Variants in IL15 observed in about 807,000 individuals in gnomAD.
IL15 encodes the protein interleukin 15.
A neutral mutation model predicts 19.6 loss-of-function variants in IL15; 11 were observed. The observed-to-expected ratio is 0.56, with a 90% CI of 0.35 to 0.93. The LOEUF (loss-of-function observed/expected upper bound fraction) is 0.93, where lower values mean the gene tolerates loss of function less well. Ranked by LOEUF, IL15 falls within the 40% of genes least tolerant of loss-of-function variation. IL15 has a pLI of 0.01. For synonymous variants in IL15, 58 were observed against 59.6 expected (o/e 0.97, Z 0.12); for missense variants, 197 against 186.5 (o/e 1.06, Z -0.33).
At chr4:141,715,017 C>A (rs537845242) in intron 2 of IL15, 1 of 152,280 alleles carries the variant, frequency 6.6e-6, no homozygotes, top group Non-Finnish European at 1.5e-5. Flanking sequence ...CCTGACCTGT[C>A]CCCTCTCCTC....
chr4:141,678,278 C>T (rs1728417349), intron 2 of IL15, among the ~76,000 whole-genome samples: 1 of 152,174 alleles, frequency 6.6e-6, no homozygotes, highest in African/African-American at 2.4e-5. Flanking sequence ...TTGATTTCTA[C>T]TTTCTACCCT....
intron 1 of IL15, among the ~76,000 whole-genome samples, chr4:141,654,769 C>T (rs1289527771): frequency 5.9e-5 from 9 of 151,938 alleles, no homozygotes; most frequent in African/African-American, 1.5e-4. Flanking sequence ...ACTCTTGGGG[C>T]GAAGGTGCAT....
At chr4:141,644,714 A>G (rs113615768) in intron 1 of IL15, among the ~76,000 whole-genome samples, 179 of 152,304 alleles carry the variant, frequency 1.2e-3, no homozygotes, top group African/African-American at 4.1e-3. Context: ...CTAAAAAGAT[A>G]GGTTATCTGT....
At chr4:141,660,000 T>C (rs549717425) in intron 2 of IL15, among the ~76,000 whole-genome samples, 2 of 152,212 alleles carry the variant, frequency 1.3e-5, no homozygotes, top group Non-Finnish European at 2.9e-5. Flanking sequence ...AGACCTCAAG[T>C]ATCTCTTTCA....
chr4:141,721,050 C>T (rs1343178246), intron 4 of IL15: 3 of 880,710 alleles, frequency 3.4e-6, no homozygotes, highest in Non-Finnish European at 5.2e-6. Flanking sequence ...CTTTTTTCTT[C>T]TCTCTTAGAT....
chr4:141,665,262 C>A (rs1235873184), intron 2 of IL15, among the ~76,000 whole-genome samples: 2 of 151,940 alleles, frequency 1.3e-5, no homozygotes, highest in Admixed American at 1.3e-4. Flanking sequence ...TGAAATGACA[C>A]CCAAATGCTA....
At chr4:141,675,900 T>C (rs1728325195) in intron 2 of IL15, among the ~76,000 whole-genome samples, 1 of 152,138 alleles carries the variant, frequency 6.6e-6, no homozygotes, top group Non-Finnish European at 1.5e-5. Context: ...GTCATACCTA[T>C]AGACCAAGAG....
At chr4:141,724,778 T>A (rs1013641597) in intron 5 of IL15, among the ~76,000 whole-genome samples, 5 of 152,118 alleles carry the variant, frequency 3.3e-5, no homozygotes, top group African/African-American at 1.2e-4. Context: ...AACACTCATA[T>A]AATCACTAAA....
intron 1 of IL15, among the ~76,000 whole-genome samples, chr4:141,638,032 A>G (rs750081253): frequency 8.5e-5 from 13 of 152,184 alleles, no homozygotes; most frequent in Non-Finnish European, 1.3e-4. Context: ...TCCAGTTTAT[A>G]GTGAGCTATA....
chr4:141,695,013 A>G (rs1228541072), intron 2 of IL15, among the ~76,000 whole-genome samples: 5 of 152,066 alleles, frequency 3.3e-5, no homozygotes, highest in African/African-American at 9.7e-5. Flanking sequence ...GCACCTTCCA[A>G]TTTGTCTCCC....
intron 1 of IL15, among the ~76,000 whole-genome samples, chr4:141,638,486 G>T (rs1318537656): frequency 6.6e-6 from 1 of 152,184 alleles, no homozygotes; most frequent in African/African-American, 2.4e-5. Context: ...GTTCCTTGCT[G>T]ATTTGGAGTG....
rs1279268890 is a variant in IL15 at position 141,674,746 on chromosome 4, TA to T, written c.-100+18444del. 3.3e-5 allele frequency among the ~76,000 whole-genome samples: 5 copies of T among 152,230 alleles called. No homozygotes were observed. In the South Asian group the frequency reaches 1.0e-3, roughly 32 times the overall value. Reference sequence around the variant, plus strand: ...TGCAATATGTATGCAATGTGCCTCCTAAAAATTGTTGATTATTTGTATTATT... The same window carrying T: ...TGCAATATGTATGCAATGTGCCTCCTAAAATTGTTGATTATTTGTATTATT... On this transcript the variant is annotated intron_variant, in intron 2 of 7. Transcript: ENST00000320650.
chr4:141,672,573 G>A (rs1419493751), intron 2 of IL15, among the ~76,000 whole-genome samples: 1 of 152,132 alleles, frequency 6.6e-6, no homozygotes, highest in African/African-American at 2.4e-5. Context: ...ACTATCTTGA[G>A]GGTATGTGTG....
At chr4:141,699,607 G>T in intron 2 of IL15, among the ~76,000 whole-genome samples, 1 of 151,996 alleles carries the variant, frequency 6.6e-6, no homozygotes, top group African/African-American at 2.4e-5. Context: ...TTTTACTGTT[G>T]TTGCTTTAAA....
At chr4:141,683,045 C>T (rs891065865) in intron 2 of IL15, among the ~76,000 whole-genome samples, 1 of 149,110 alleles carries the variant, frequency 6.7e-6, no homozygotes, top group African/African-American at 2.5e-5. Context: ...CTGAGGCAGG[C>T]GGATCACGAG....
At chr4:141,698,300 T>G (rs1052283061) in intron 2 of IL15, among the ~76,000 whole-genome samples, 1 of 152,086 alleles carries the variant, frequency 6.6e-6, no homozygotes, top group Non-Finnish European at 1.5e-5. Context: ...GTGGTTTTCT[T>G]TTTTTGTTTT....
intron 2 of IL15, among the ~76,000 whole-genome samples, chr4:141,702,898 G>A (rs1729367389): frequency 6.6e-6 from 1 of 152,214 alleles, no homozygotes; most frequent in South Asian, 2.1e-4. Flanking sequence ...AGGTGGGTCT[G>A]AGCTCAGACT....
At chr4:141,647,528 A>C (rs1351160559) in intron 1 of IL15, among the ~76,000 whole-genome samples, 1 of 152,046 alleles carries the variant, frequency 6.6e-6, no homozygotes, top group Non-Finnish European at 1.5e-5. Flanking sequence ...TTAGGGTCAC[A>C]TAAGACAACT....
chr4:141,692,981 A>T (rs1419595178), intron 2 of IL15, among the ~76,000 whole-genome samples: 1 of 143,318 alleles, frequency 7.0e-6, no homozygotes, highest in Non-Finnish European at 1.5e-5. Context: ...ACTGCACTTC[A>T]GCCTCAGCCA....
Sources: gnomAD v4.1 joint callset for allele counts (sites outside exome capture counted in the v4.1 genomes callset) on GRCh38, gnomAD v4.1.1 for gene constraint, MANE v1.5 for transcripts, NCBI Gene and HGNC (gene_info 2026-07-23, HGNC 2026-07-21) for gene names.